PXDNL: variants seen among roughly 807,000 people sequenced by gnomAD.
PXDNL encodes the protein probable oxidoreductase PXDNL.
PXDNL carries 145 observed loss-of-function variants against 150.8 expected under a neutral mutation model. That is an observed-to-expected ratio of 0.96 (90% CI 0.84 to 1.10). The LOEUF (loss-of-function observed/expected upper bound fraction) is 1.10, where lower values mean the gene tolerates loss of function less well. PXDNL is among the 50% of genes least tolerant of loss of function. The pLI, the probability that PXDNL is intolerant of heterozygous loss-of-function variation, is 0.00. For synonymous variants in PXDNL, 757 were observed against 725.7 expected, an observed-to-expected ratio of 1.04 and a Z score of -0.69; for missense variants, 2,087 against 1,873.9, an observed-to-expected ratio of 1.11 and a Z score of -2.10.
At chr8:51,514,402 G>T (rs942139882) in intron 4 of PXDNL, among the ~76,000 whole-genome samples, 17 of 152,098 alleles carry the variant, frequency 1.1e-4, no homozygotes, top group Non-Finnish European at 2.4e-4. Flanking sequence ...AAAGTGTCAG[G>T]TTGCTATATA....
In PXDNL at chr8:51,663,338, T is replaced by G. The variant is rs142040652; in HGVS notation, c.165-8578A>C. On this transcript the variant is annotated intron_variant, in intron 1 of 22. Coordinates refer to ENST00000356297, the MANE Select transcript of PXDNL (RefSeq NM_144651.5). Reference sequence around the variant, plus strand: ...CTGCACCGGAAAACCCATCTCCTGATTTCCTTGTTAGTACAATTTCCCCCT... The same window carrying G: ...CTGCACCGGAAAACCCATCTCCTGAGTTCCTTGTTAGTACAATTTCCCCCT... 4.3e-4 allele frequency among the ~76,000 whole-genome samples: 65 copies of G among 152,292 alleles called. 2 individuals are homozygous for G. The South Asian group carries it at 7.0e-3, about 17-fold the overall frequency.
chr8:51,555,034 C>G (rs1812572207), intron 4 of PXDNL, among the ~76,000 whole-genome samples: 1 of 152,134 alleles, frequency 6.6e-6, no homozygotes, highest in African/African-American at 2.4e-5. Flanking sequence ...TCTTTGATAC[C>G]AATTCTCTTT....
intron 17 of PXDNL, among the ~76,000 whole-genome samples, chr8:51,386,217 G>A (rs201863681): frequency 6.6e-5 from 10 of 151,622 alleles, no homozygotes; most frequent in South Asian, 2.1e-4. Flanking sequence ...CTCAGCCTCC[G>A]GAGTAGCTGG....
At chr8:51,733,850 T>TATATATG (rs1485397382) in intron 1 of PXDNL, among the ~76,000 whole-genome samples, 1 of 146,324 alleles carries the variant, frequency 6.8e-6, no homozygotes, top group East Asian at 2.0e-4. Context: ...ATATATATGA[T>TATATATG]ATATATGATA....
At chr8:51,593,746 C>A (rs749288488) in intron 2 of PXDNL, among the ~76,000 whole-genome samples, 5 of 152,194 alleles carry the variant, frequency 3.3e-5, no homozygotes, top group Non-Finnish European at 7.3e-5. Flanking sequence ...TGACACCTCA[C>A]CTATGGCACC....
At chr8:51,506,223 A>G (rs1811283047) in intron 4 of PXDNL, among the ~76,000 whole-genome samples, 1 of 152,178 alleles carries the variant, frequency 6.6e-6, no homozygotes, top group Non-Finnish European at 1.5e-5. Flanking sequence ...CTCTTTGGGA[A>G]GTTATTTCAA....
At position 51,686,347 on chromosome 8, in the gene PXDNL, T is replaced by C. The variant is rs531365266; in HGVS notation, c.165-31587A>G. On this transcript the variant is annotated intron_variant, in intron 1 of 22. Coordinates refer to ENST00000356297, the MANE Select transcript of PXDNL (RefSeq NM_144651.5). The stretch of plus-strand genomic sequence containing the variant: ...TTTCTTCCCAGCCTGGAATGATTCA[T>C]AGTGGCCATGAGCCGGTACTTGGAG... Among the ~76,000 whole-genome samples, 4 of 152,358 alleles carry C rather than the reference T, an allele frequency of 2.6e-5. No homozygotes were observed. In the East Asian group the frequency reaches 5.8e-4, roughly 22 times the overall value.
intron 4 of PXDNL, among the ~76,000 whole-genome samples, chr8:51,545,484 A>C (rs1353821927): frequency 6.6e-6 from 1 of 152,218 alleles, no homozygotes; most frequent in Non-Finnish European, 1.5e-5. Flanking sequence ...TCTTAAAAAA[A>C]ATATCACAGA....
intron 19 of PXDNL, among the ~76,000 whole-genome samples, chr8:51,368,163 G>A (rs1204479688): frequency 6.6e-6 from 1 of 151,720 alleles, no homozygotes; most frequent in Admixed American, 6.6e-5. Context: ...CAAAATGGTG[G>A]ATAACAAAAT....
intron 7 of PXDNL, among the ~76,000 whole-genome samples, chr8:51,474,093 T>A (rs1182362121): frequency 6.6e-6 from 1 of 152,178 alleles, no homozygotes; most frequent in African/African-American, 2.4e-5. Flanking sequence ...TCAATTTGAA[T>A]ATAAATTAAT....
rs561544362 is a variant in PXDNL at position 51,495,801 on chromosome 8, C to CA, written c.452+3897dup. ...AGGCAATAATTAATAGCTTACCAACCAAAAAAAGGCCAGGACCAGAAGGAG... is the reference window on the plus strand; with the variant it reads ...AGGCAATAATTAATAGCTTACCAACCAAAAAAAAGGCCAGGACCAGAAGGAG... On this transcript the variant is annotated intron_variant, in intron 5 of 22. Transcript: ENST00000356297. Among the ~76,000 whole-genome samples the CA allele has an allele frequency of 1.5e-3, 234 of 152,000 alleles. 2 individuals are homozygous for CA. Among genetic ancestry groups the CA allele is most frequent in the African/African-American group, 5.4e-3 (225 of 41,476 alleles).
chr8:51,752,305 G>C (rs1373083450), intron 1 of PXDNL, among the ~76,000 whole-genome samples: 1 of 152,058 alleles, frequency 6.6e-6, no homozygotes, highest in East Asian at 1.9e-4. Flanking sequence ...GGCCTGGGGA[G>C]TTTCTTCAGA....
At chr8:51,641,749 C>T (rs1814761035) in intron 2 of PXDNL, among the ~76,000 whole-genome samples, 1 of 152,022 alleles carries the variant, frequency 6.6e-6, no homozygotes, top group Non-Finnish European at 1.5e-5. Context: ...CACTTTTACA[C>T]TCTTGGTGGG....
Position 51,319,773 on chromosome 8 carries a change from G to A in PXDNL, c.*118C>T. The A allele has an allele frequency of 2.5e-6, 2 of 812,498 alleles. No individual in the cohort carries two copies. Among genetic ancestry groups the A allele is most frequent in the South Asian group, 4.2e-5 (1 of 23,782 alleles). 50.3% of individuals were successfully genotyped at this position (812,498 alleles called of 1,614,324 possible). ...GTATATGTAAGATTAGATGAACTAA[G>A]TTGCTTAAGTCAGTGGTTTCCATAT... On this transcript the variant is annotated 3_prime_UTR_variant, in exon 23 of 23. Coordinates refer to ENST00000356297, the MANE Select transcript of PXDNL (RefSeq NM_144651.5).
At chr8:51,674,381 T>C (rs1327292778) in intron 1 of PXDNL, among the ~76,000 whole-genome samples, 1 of 152,162 alleles carries the variant, frequency 6.6e-6, no homozygotes, top group African/African-American at 2.4e-5. Context: ...TAATGGCAAA[T>C]TGACTGTCTT....
chr8:51,645,505 AT>A (rs1371372404), intron 2 of PXDNL, among the ~76,000 whole-genome samples: 1 of 152,218 alleles, frequency 6.6e-6, no homozygotes, highest in Non-Finnish European at 1.5e-5. Context: ...CAGGGAGACC[AT>A]TTAATTAGCT....
At chr8:51,543,434 T>A (rs1411776457) in intron 4 of PXDNL, among the ~76,000 whole-genome samples, 19 of 152,194 alleles carry the variant, frequency 1.2e-4, no homozygotes, top group Admixed American at 1.2e-3. Context: ...AGGTAATAAA[T>A]ATAAGGCTAT....
intron 17 of PXDNL, among the ~76,000 whole-genome samples, chr8:51,391,161 T>C (rs1586063475): frequency 6.6e-6 from 1 of 152,234 alleles, no homozygotes; most frequent in Admixed American, 6.5e-5. Flanking sequence ...TTTGGGTTGG[T>C]TCCAAGTCTT....
At chr8:51,447,499 CA>C (rs1809702979) in intron 11 of PXDNL, among the ~76,000 whole-genome samples, 1 of 152,158 alleles carries the variant, frequency 6.6e-6, no homozygotes, top group African/African-American at 2.4e-5. Flanking sequence ...ATTTGATTTT[CA>C]GATATCTTCG....
Sources: allele counts gnomAD v4.1 joint callset (sites outside exome capture counted in the v4.1 genomes callset), GRCh38; gene constraint gnomAD v4.1.1; transcripts MANE v1.5; gene names NCBI Gene and HGNC (gene_info 2026-07-23, HGNC 2026-07-21).